SCD5: variants seen among roughly 807,000 people sequenced by gnomAD.
SCD5 encodes the protein acyl-CoA-desaturase 4.
Under a neutral mutation model 30.4 loss-of-function variants are expected in SCD5, and 20 were observed. The ratio of observed to expected loss-of-function variants is 0.66; its 90% CI spans 0.46 to 0.96. The LOEUF (loss-of-function observed/expected upper bound fraction) is 0.96. SCD5 is among the 40% of genes least tolerant of loss of function. The pLI is 0.00. For synonymous variants in SCD5, 173 were observed against 176.4 expected (o/e 0.98, Z 0.16); for missense variants, 381 against 443.3 (o/e 0.86, Z 1.26).
chr4:82,636,882 G>A (rs1727444933), intron 3 of SCD5, 59 bp from the exon 4 acceptor site: 7 of 1,416,732 alleles, frequency 4.9e-6, no homozygotes, highest in Non-Finnish European at 5.7e-6. Context: ...AGGATGGGCT[G>A]AGCAAGTCAC....
intron 1 of SCD5, among the ~76,000 whole-genome samples, chr4:82,706,129 T>C (rs1719964003): frequency 6.6e-6 from 1 of 152,226 alleles, no homozygotes; most frequent in Non-Finnish European, 1.5e-5. Context: ...TAATTTAACC[T>C]TGGTCATGAG....
At chr4:82,699,376 G>A (rs1719764917) in intron 2 of SCD5, among the ~76,000 whole-genome samples, 1 of 152,012 alleles carries the variant, frequency 6.6e-6, no homozygotes, top group Non-Finnish European at 1.5e-5. Context: ...TACTTTGTAG[G>A]GGCATTATCA....
intron 4 of SCD5, among the ~76,000 whole-genome samples, chr4:82,635,905 G>C (rs748407631): frequency 3.9e-5 from 6 of 152,134 alleles, no homozygotes; most frequent in Non-Finnish European, 5.9e-5. Flanking sequence ...CCATGTCTTT[G>C]TTTGAAGGCC....
intron 3 of SCD5, among the ~76,000 whole-genome samples, chr4:82,664,463 T>A (rs548556419): frequency 4.6e-4 from 70 of 152,248 alleles, no homozygotes; most frequent in African/African-American, 1.6e-3. Flanking sequence ...ACAAAAATCA[T>A]TGTCCAGAGA....
At chr4:82,657,015 A>AGAT (rs1266317090) in intron 3 of SCD5, among the ~76,000 whole-genome samples, 4 of 152,188 alleles carry the variant, frequency 2.6e-5, no homozygotes, top group Admixed American at 6.5e-5. Flanking sequence ...TCAGATGAAT[A>AGAT]GATTGCAAAA....
intron 1 of SCD5, among the ~76,000 whole-genome samples, chr4:82,719,203 A>G (rs1720302441): frequency 6.6e-6 from 1 of 151,776 alleles, no homozygotes; most frequent in Non-Finnish European, 1.5e-5. Context: ...TCTTTCTTGC[A>G]TGGCAACTTT....
intron 1 of SCD5, among the ~76,000 whole-genome samples, chr4:82,708,071 G>T (rs975252573): frequency 7.9e-5 from 12 of 152,320 alleles, no homozygotes; most frequent in African/African-American, 2.9e-4. Context: ...ACAGGCTGGT[G>T]TTGCATGGGG....
chr4:82,751,876 C>A (rs1331422722), intron 1 of SCD5, among the ~76,000 whole-genome samples: 1 of 152,230 alleles, frequency 6.6e-6, no homozygotes, highest in Admixed American at 6.5e-5. Flanking sequence ...CTGCCAGTTT[C>A]CGCCTCCCAA....
chr4:82,707,915 G>T (rs1226028883), intron 1 of SCD5, among the ~76,000 whole-genome samples: 2 of 152,182 alleles, frequency 1.3e-5, no homozygotes, highest in Non-Finnish European at 2.9e-5. Flanking sequence ...AATATGTTTT[G>T]TTTTACACTA....
intron 1 of SCD5, among the ~76,000 whole-genome samples, chr4:82,714,009 T>C (rs564874544): frequency 6.6e-6 from 1 of 152,284 alleles, no homozygotes; most frequent in African/African-American, 2.4e-5. Flanking sequence ...CAAGCCACTC[T>C]CTCTTTAAGT....
At chr4:82,638,170 T>G (rs1386056718) in intron 3 of SCD5, among the ~76,000 whole-genome samples, 2 of 152,210 alleles carry the variant, frequency 1.3e-5, no homozygotes, top group Non-Finnish European at 1.5e-5. Context: ...GCAAAGGACA[T>G]GATCTTGTTC....
At chr4:82,714,646 C>A (rs1363740223) in intron 1 of SCD5, among the ~76,000 whole-genome samples, 6 of 152,016 alleles carry the variant, frequency 3.9e-5, no homozygotes, top group African/African-American at 1.5e-4. Context: ...GGAGCCAGGT[C>A]TGGAAGGGAC....
At chr4:82,669,306 T>TAA (rs33968957) in intron 3 of SCD5, among the ~76,000 whole-genome samples, 98,641 of 147,436 alleles carry the variant, frequency 0.67, 33,182 homozygotes, top group Middle Eastern at 0.73. Context: ...TACATAACGT[T>TAA]AAAAAAAAAA....
chr4:82,721,890 T>C (rs1720376781), intron 1 of SCD5, among the ~76,000 whole-genome samples: 1 of 152,220 alleles, frequency 6.6e-6, no homozygotes, highest in South Asian at 2.1e-4. Context: ...GCTTCCTAAC[T>C]GCAAAGGGGA....
At chr4:82,750,750 G>T (rs545801304) in intron 1 of SCD5, among the ~76,000 whole-genome samples, 1 of 152,356 alleles carries the variant, frequency 6.6e-6, no homozygotes, top group East Asian at 1.9e-4. Context: ...AGGTGGACAG[G>T]TAGGGAGGAC....
chr4:82,750,992 T>A (rs1477402923), intron 1 of SCD5, among the ~76,000 whole-genome samples: 1 of 152,216 alleles, frequency 6.6e-6, no homozygotes, highest in Non-Finnish European at 1.5e-5. Context: ...AGCACTTACA[T>A]ATTAACCTCT....
chr4:82,756,771 C>T (rs1411239655), intron 1 of SCD5, among the ~76,000 whole-genome samples: 2 of 151,502 alleles, frequency 1.3e-5, no homozygotes, highest in Non-Finnish European at 2.9e-5. Context: ...AGAACCAACA[C>T]AACATCTCCC....
intron 1 of SCD5, among the ~76,000 whole-genome samples, chr4:82,732,828 G>A (rs533797164): frequency 6.6e-6 from 1 of 152,292 alleles, no homozygotes; most frequent in East Asian, 1.9e-4. Context: ...AATGTGGGGT[G>A]CTAAGAAAGG....
At chr4:82,646,298 C>A (rs1169362403) in intron 3 of SCD5, among the ~76,000 whole-genome samples, 1 of 152,184 alleles carries the variant, frequency 6.6e-6, no homozygotes, top group African/African-American at 2.4e-5. Context: ...ATTTAGAGGA[C>A]AAATGATATG....
Sources: allele counts gnomAD v4.1 joint callset (sites outside exome capture counted in the v4.1 genomes callset), GRCh38; gene constraint gnomAD v4.1.1; transcripts MANE v1.5; gene names NCBI Gene and HGNC (gene_info 2026-07-23, HGNC 2026-07-21).